POLR3E: variants seen among roughly 807,000 people sequenced by gnomAD.
The protein encoded by POLR3E is DNA-directed RNA polymerase III subunit RPC5.
Under a neutral mutation model 96.6 loss-of-function variants are expected in POLR3E, and 41 were observed. The observed-to-expected ratio is 0.42, with a 90% CI of 0.33 to 0.55. The LOEUF is 0.55. POLR3E is among the 20% of genes least tolerant of loss of function. The pLI, the probability that POLR3E is intolerant of heterozygous loss-of-function variation, is 0.06. For missense variants in POLR3E, 849 were observed against 952.1 expected (o/e 0.89, Z 1.43); for synonymous variants, 396 against 383.6 (o/e 1.03, Z -0.38).
Position 22,325,932 on chromosome 16 carries a change from A to T in POLR3E, c.1520A>T (p.Glu507Val), listed in dbSNP as rs747177864. The T allele has an allele frequency of 6.3e-7, 1 of 1,594,724 alleles. No individual in the cohort carries two copies. Among genetic ancestry groups the T allele is most frequent in the South Asian group, 1.1e-5 (1 of 89,136 alleles). ...IKEEPVSEEG[E>V]EDEEQEAEEE... ...GAGGAGCCCGTGAGCGAGGAGGGCGAGGAGGACGAGGAGCAGGAGGCGGAG... is the reference window on the plus strand; with the variant it reads ...GAGGAGCCCGTGAGCGAGGAGGGCGTGGAGGACGAGGAGCAGGAGGCGGAG... The change falls in exon 18 of 21, where the codon GAG (glutamate) becomes GTG (valine). Residue 507 changes from glutamate (E) to valine (V), a missense_variant. Transcript: ENST00000299853.
chr16:22,330,988 C>CTTTTTTTTTTTTTTTT (rs56100056), intron 19 of POLR3E, among the ~76,000 whole-genome samples: 1 of 50,732 alleles, frequency 2.0e-5, no homozygotes. Context: ...ATGAAGCATC[C>CTTTTTTTTTTTTTTTT]TTTTTTTTTT....
At chr16:22,305,589 GAGTCCAC>G in intron 3 of POLR3E, 1 of 428,726 alleles carries the variant, frequency 2.3e-6, no homozygotes, top group Non-Finnish European at 4.6e-6. Context: ...AGGACAGGCT[GAGTCCAC>G]AGTGAAGTGT....
At chr16:22,326,499 G>C (rs1051186567) in intron 18 of POLR3E, 1 of 594,926 alleles carries the variant, frequency 1.7e-6, no homozygotes, top group Non-Finnish European at 3.0e-6. Flanking sequence ...GGCTAAATAC[G>C]GTGTCTGAAG....
At chr16:22,302,430 A>C (rs2048045270) in intron 1 of POLR3E, 1 of 160,116 alleles carries the variant, frequency 6.2e-6, no homozygotes, top group Admixed American at 6.1e-5. Flanking sequence ...TTTTAGACCA[A>C]AAACACAGAA....
Position 22,322,898 on chromosome 16 carries a change from T to A in POLR3E, c.1035T>A (p.Pro345=). 1 of 1,613,206 alleles carries A rather than the reference T, an allele frequency of 6.2e-7. No homozygotes were observed. Among genetic ancestry groups the A allele is most frequent in the Non-Finnish European group, 8.5e-7 (1 of 1,179,540 alleles). ...KDSSSPHSGV[P]AEVLCRGRDF... ...CGTCCAGCCCTCACAGCGGCGTGCC[T>A]GCTGAGGTGCTCTGCAGGGGCCGAG... Residue 345 remains proline, a synonymous_variant, in exon 14 of 21, where the codon CCT becomes CCA. Transcript: ENST00000299853. This position sits in a 1 kb window ranked among gnomAD's most constrained non-coding sequence, Gnocchi z 5.2.
intron 1 of POLR3E, among the ~76,000 whole-genome samples, chr16:22,297,901 G>C (rs2047929160): frequency 6.6e-6 from 1 of 152,242 alleles, no homozygotes; most frequent in Non-Finnish European, 1.5e-5. Context: ...GCGTGAGAAG[G>C]GGGGCCTGAC....
chr16:22,298,582 T>A (rs1316294417), intron 1 of POLR3E, among the ~76,000 whole-genome samples: 1 of 152,164 alleles, frequency 6.6e-6, no homozygotes, highest in Admixed American at 6.5e-5. Flanking sequence ...CACAGTTTTG[T>A]TCTCGGGTCC....
chr16:22,325,426 C>CT (rs1251761227), intron 17 of POLR3E, 160 bp downstream of exon 17: 1 of 689,958 alleles, frequency 1.4e-6, no homozygotes, highest in Non-Finnish European at 2.5e-6. Flanking sequence ...CAGACCGCAG[C>CT]TGGTCGCTTG....
chr16:22,306,528 C>T (rs1206386095), intron 3 of POLR3E, among the ~76,000 whole-genome samples: 2 of 152,214 alleles, frequency 1.3e-5, no homozygotes, highest in Non-Finnish European at 2.9e-5. Context: ...GCTGGGATTA[C>T]AGGTGTGAGC....
At chr16:22,311,268 CTTT>C (rs57435708) in intron 6 of POLR3E, among the ~76,000 whole-genome samples, 4,373 of 109,366 alleles carry the variant, frequency 0.04, 243 homozygotes, top group African/African-American at 0.15. Flanking sequence ...TGTGCCCAGC[CTTT>C]TTTTTTTTTT....
rs1386685594 is a variant in POLR3E at position 22,322,902 on chromosome 16, G to C, written c.1039G>C (p.Glu347Gln). The C allele has an allele frequency of 1.9e-6, 3 of 1,613,214 alleles. No homozygotes were observed. The highest frequency in any genetic ancestry group is 1.7e-5 in the Admixed American group (1 of 59,960). The change falls in exon 14 of 21, where the codon GAG (glutamate) becomes CAG (glutamine). Residue 347 changes from glutamate (E) to glutamine (Q), a missense_variant. Physicochemically the swap from Glu to Gln is conservative, Grantham distance 29. Transcript: ENST00000299853. This position sits in a 1 kb window ranked among gnomAD's most constrained non-coding sequence, Gnocchi z 5.2. ...SSSPHSGVPAEVLCRGRDFVM... is the reference protein window; with the variant it reads ...SSSPHSGVPAQVLCRGRDFVM... Reference sequence around the variant, plus strand: ...CAGCCCTCACAGCGGCGTGCCTGCTGAGGTGCTCTGCAGGGGCCGAGACTT... The same window carrying C: ...CAGCCCTCACAGCGGCGTGCCTGCTCAGGTGCTCTGCAGGGGCCGAGACTT...
intron 6 of POLR3E, among the ~76,000 whole-genome samples, chr16:22,312,260 C>T (rs1429762770): frequency 2.0e-5 from 3 of 152,012 alleles, no homozygotes; most frequent in South Asian, 4.2e-4. Context: ...TTTTGGAGGC[C>T]GAAGTGGGCA....
chr16:22,297,966 G>A (rs959249186), intron 1 of POLR3E, among the ~76,000 whole-genome samples: 1 of 152,312 alleles, frequency 6.6e-6, no homozygotes, highest in African/African-American at 2.4e-5. Context: ...TCGGCGGCCC[G>A]CCCCGATGGG....
intron 13 of POLR3E, among the ~76,000 whole-genome samples, chr16:22,320,407 G>A (rs538391103): frequency 2.6e-5 from 4 of 152,120 alleles, no homozygotes; most frequent in African/African-American, 7.2e-5. Context: ...GATTATAGGC[G>A]CTTGCCACCA....
At chr16:22,307,972 G>A (rs537751128) in intron 3 of POLR3E, among the ~76,000 whole-genome samples, 176 bp from the exon 4 acceptor site, 9 of 152,278 alleles carry the variant, frequency 5.9e-5, no homozygotes, top group South Asian at 2.1e-4. Flanking sequence ...ATAGGGCTGC[G>A]GGTGGAGACT....
At chr16:22,326,574 C>T in intron 18 of POLR3E, 1 of 511,980 alleles carries the variant, frequency 2.0e-6, no homozygotes, top group Non-Finnish European at 3.5e-6. Flanking sequence ...GGTTTCTCAC[C>T]CTGTCCCCCA....
At chr16:22,301,529 C>A (rs780323359) in intron 1 of POLR3E, among the ~76,000 whole-genome samples, 1 of 152,032 alleles carries the variant, frequency 6.6e-6, no homozygotes, top group Non-Finnish European at 1.5e-5. Context: ...TGCAGTGAGT[C>A]AAAATCACGG....
intron 16 of POLR3E, 84 bp downstream of exon 16, chr16:22,324,744 C>G (rs998982065): frequency 1.4e-6 from 2 of 1,449,908 alleles, no homozygotes; most frequent in African/African-American, 1.4e-5. Context: ...TGGATCCGAG[C>G]AATCTCTAGA....
intron 2 of POLR3E, 94 bp from the exon 3 acceptor site, chr16:22,305,062 A>G: frequency 2.1e-6 from 2 of 939,218 alleles, no homozygotes; most frequent in Non-Finnish European, 3.5e-6. Context: ...TCCCTGAGCC[A>G]CTGCCCTTAA....
Sources: gnomAD v4.1 joint callset for allele counts (sites outside exome capture counted in the v4.1 genomes callset) on GRCh38, gnomAD v4.1.1 for gene constraint, Gnocchi (gnomAD v3.1) non-coding constraint, MANE v1.5 for transcripts, NCBI Gene and HGNC (gene_info 2026-07-23, HGNC 2026-07-21) for gene names.